Variants in NRXN1 observed in about 807,000 individuals in gnomAD.
The protein encoded by NRXN1 is neurexin-1.
A neutral mutation model predicts 150.9 loss-of-function variants in NRXN1; 39 were observed. The ratio of observed to expected loss-of-function variants is 0.26; its 90% CI spans 0.20 to 0.34. The LOEUF is 0.34. NRXN1 is among the 10% of genes least tolerant of loss of function. The pLI is 1.00. For missense variants in NRXN1, 1,815 were observed against 1,949.9 expected (o/e 0.93, Z 1.30); for synonymous variants, 924 against 757.0 (o/e 1.22, Z -3.62).
intron 5 of NRXN1, among the ~76,000 whole-genome samples, chr2:50,796,902 C>A (rs1432877344): frequency 6.6e-6 from 1 of 152,138 alleles, no homozygotes; most frequent in Non-Finnish European, 1.5e-5. Flanking sequence ...GATCAAGGCA[C>A]CAGCAAAGTT....
chr2:50,793,371 A>G (rs112695549), intron 5 of NRXN1, among the ~76,000 whole-genome samples: 230 of 152,216 alleles, frequency 1.5e-3, no homozygotes, highest in African/African-American at 5.4e-3. Flanking sequence ...ATGAATATCC[A>G]CTGAGTTAAA....
Position 50,553,043 on chromosome 2 carries a change from C to T in NRXN1, c.1321-18G>A. 6.5e-7 allele frequency: 1 copy of T among 1,529,846 alleles called. No homozygotes were observed. The highest frequency in any genetic ancestry group is 8.9e-7 in the Non-Finnish European group (1 of 1,125,882). 94.8% of individuals were successfully genotyped at this position (1,529,846 alleles called of 1,614,324 possible). A position where few individuals can be genotyped will look rare whatever the true frequency, so the allele number is the denominator to read the frequency against. On this transcript the variant is annotated intron_variant, in intron 8 of 22. Coordinates refer to ENST00000401669, the MANE Select transcript of NRXN1 (RefSeq NM_001330078.2). ...TATACAACCTGTGGGCAGAGGATAG[C>T]AGTGAGAAACTAGCCTCCATATTTT...
chr2:50,458,992 A>G (rs1221511167), intron 17 of NRXN1, among the ~76,000 whole-genome samples: 3 of 152,104 alleles, frequency 2.0e-5, no homozygotes, highest in African/African-American at 7.2e-5. Flanking sequence ...CATGCATATA[A>G]TACATATTAA....
intron 21 of NRXN1, among the ~76,000 whole-genome samples, chr2:50,011,691 AT>A: frequency 6.6e-6 from 1 of 152,238 alleles, no homozygotes; most frequent in Non-Finnish European, 1.5e-5. Context: ...GTATAGATAT[AT>A]CCTTATTTGG....
rs567362286 is a variant in NRXN1 at position 50,525,604 on chromosome 2, T to C, written c.2374+3021A>G. On this transcript the variant is annotated intron_variant, in intron 12 of 22. Coordinates refer to ENST00000401669, the MANE Select transcript of NRXN1 (RefSeq NM_001330078.2). ...AATGGTATAAGCTAATGAGCATCAA[T>C]AAACTGAGACTCGTCTGGGATTGTG... Among the ~76,000 whole-genome samples, 3 of 152,308 alleles carry C rather than the reference T, an allele frequency of 2.0e-5. No individual in the cohort carries two copies. In the East Asian group the frequency reaches 5.8e-4, roughly 29 times the overall value.
chr2:50,518,109 G>A (rs887283807), intron 12 of NRXN1, among the ~76,000 whole-genome samples: 15 of 151,914 alleles, frequency 9.9e-5, no homozygotes, highest in Non-Finnish European at 1.5e-4. Context: ...ATTTCAATGC[G>A]AAAAACATAC....
intron 17 of NRXN1, among the ~76,000 whole-genome samples, chr2:50,308,882 C>A (rs1438664286): frequency 6.6e-6 from 1 of 152,100 alleles, no homozygotes; most frequent in Non-Finnish European, 1.5e-5. Flanking sequence ...GTTAATTTAT[C>A]CTAGTCTTGT....
At chr2:51,012,673 C>T (rs923969743) in intron 2 of NRXN1, among the ~76,000 whole-genome samples, 1 of 152,018 alleles carries the variant, frequency 6.6e-6, no homozygotes, top group Non-Finnish European at 1.5e-5. Context: ...TAACATCTCA[C>T]CTCCTCCTGT....
intron 5 of NRXN1, among the ~76,000 whole-genome samples, chr2:50,909,602 G>A (rs1025697487): frequency 6.6e-6 from 1 of 151,904 alleles, no homozygotes; most frequent in Non-Finnish European, 1.5e-5. Context: ...ACCAAATTAT[G>A]TGAGGAATCT....
chr2:50,780,855 C>T (rs1210350715), intron 5 of NRXN1, among the ~76,000 whole-genome samples: 2 of 152,106 alleles, frequency 1.3e-5, no homozygotes, highest in Non-Finnish European at 2.9e-5. Context: ...CGGTAACCAT[C>T]CTCTGGGTAT....
chr2:50,246,581 T>C (rs1219083346), intron 17 of NRXN1, among the ~76,000 whole-genome samples: 2 of 151,994 alleles, frequency 1.3e-5, no homozygotes, highest in African/African-American at 4.8e-5. Context: ...TACTAATTAT[T>C]TTGGACTGGA....
chr2:50,772,326 A>G (rs929448268), intron 5 of NRXN1, among the ~76,000 whole-genome samples: 2 of 151,932 alleles, frequency 1.3e-5, no homozygotes, highest in Middle Eastern at 3.4e-3. Flanking sequence ...GATAATAAAC[A>G]AAAAGTTTTC....
intron 18 of NRXN1, among the ~76,000 whole-genome samples, chr2:50,183,427 G>GC (rs2060864655): frequency 6.6e-6 from 1 of 150,974 alleles, no homozygotes; most frequent in Admixed American, 6.6e-5. Flanking sequence ...GATTTGGGGA[G>GC]TTTTTTTTTA....
At chr2:50,906,467 A>G (rs919766960) in intron 5 of NRXN1, among the ~76,000 whole-genome samples, 1 of 151,976 alleles carries the variant, frequency 6.6e-6, no homozygotes, top group African/African-American at 2.4e-5. Context: ...TCTATTACTT[A>G]TTTTTCACCT....
chr2:49,933,059 T>C (rs1670403656), intron 22 of NRXN1, among the ~76,000 whole-genome samples: 2 of 151,990 alleles, frequency 1.3e-5, no homozygotes, highest in Non-Finnish European at 1.5e-5. Context: ...GCACTTTAGG[T>C]GTATTTTCTT....
chr2:50,894,461 T>C (rs1055289280), intron 5 of NRXN1, among the ~76,000 whole-genome samples: 1 of 151,894 alleles, frequency 6.6e-6, no homozygotes, highest in Non-Finnish European at 1.5e-5. Flanking sequence ...GTCCTGATTA[T>C]TCATTTGAAA....
At chr2:49,943,150 A>C (rs1228695128) in intron 22 of NRXN1, among the ~76,000 whole-genome samples, 1 of 152,210 alleles carries the variant, frequency 6.6e-6, no homozygotes, top group African/African-American at 2.4e-5. Context: ...AAAATGTTTC[A>C]GCTTGAATTT....
intron 17 of NRXN1, among the ~76,000 whole-genome samples, chr2:50,460,532 A>C (rs1394453114): frequency 6.6e-6 from 1 of 152,056 alleles, no homozygotes; most frequent in East Asian, 1.9e-4. Context: ...CTGCCCAACA[A>C]TAATATAAAA....
chr2:50,659,285 A>G (rs1686944905), intron 5 of NRXN1, among the ~76,000 whole-genome samples: 1 of 152,038 alleles, frequency 6.6e-6, no homozygotes, highest in Non-Finnish European at 1.5e-5. Flanking sequence ...TTATTACAAC[A>G]TTTACCCATT....
Sources: allele counts gnomAD v4.1 joint callset (sites outside exome capture counted in the v4.1 genomes callset), GRCh38; gene constraint gnomAD v4.1.1; transcripts MANE v1.5; gene names NCBI Gene and HGNC (gene_info 2026-07-23, HGNC 2026-07-21).